Variants in ARSF observed in about 807,000 individuals in gnomAD.
ARSF encodes arylsulfatase F.
A neutral mutation model predicts 35.4 loss-of-function variants in ARSF; 33 were observed. That is an observed-to-expected ratio of 0.93 (90% confidence interval 0.71 to 1.25). The LOEUF is 1.25. Among genes scored for constraint, ARSF ranks in the 50% most tolerant of loss-of-function variants. The probability of loss-of-function intolerance (pLI) is 0.00; values close to 1 mark genes in which losing one functional copy is unlikely to be tolerated. For missense variants in ARSF, 501 were observed against 480.2 expected, an observed-to-expected ratio of 1.04 and a Z score of -0.40; for synonymous variants, 222 against 193.1, an observed-to-expected ratio of 1.15 and a Z score of -1.24.
intron 7 of ARSF, among the ~76,000 whole-genome samples, chrX:3,091,395 C>A (rs1218637809): frequency 8.9e-6 from 1 of 112,329 alleles, no homozygotes; most frequent in Admixed American, 9.5e-5. Context: ...AATGGGACGT[C>A]CTAGGACTTA....
intron 4 of ARSF, among the ~76,000 whole-genome samples, chrX:3,079,158 A>G (rs1405577305): frequency 9.0e-6 from 1 of 111,119 alleles, no homozygotes; most frequent in Non-Finnish European, 1.9e-5. Flanking sequence ...CAGTTTCTCC[A>G]TCCATTCATC....
chrX:3,056,705 G>A (rs1419929333), intron 1 of ARSF, among the ~76,000 whole-genome samples: 1 of 111,800 alleles, frequency 8.9e-6, no homozygotes, highest in Non-Finnish European at 1.9e-5. Context: ...TGGAGGCAGT[G>A]CTGACTTTAT....
intron 6 of ARSF, 136 bp from the exon 7 acceptor site, chrX:3,089,360 C>G: frequency 1.5e-6 from 1 of 681,654 alleles, no homozygotes; most frequent in Non-Finnish European, 2.2e-6. Context: ...CAGGATGGGG[C>G]CCTTGGGTGG....
In ARSF at chrX:3,103,841, A is replaced by G. The variant is rs2090395776; in HGVS notation, c.1182A>G (p.Gly394=). 8.3e-7 allele frequency: 1 copy of G among 1,210,035 alleles called. No individual in the cohort carries two copies. Among genetic ancestry groups the G allele is most frequent in the South Asian group, 1.8e-5 (1 of 56,824 alleles). ...IVRWPGKVPA[G]RLIKEPTSLM... ...GATGGCCTGGAAAGGTACCAGCTGG[A>G]CGGTTGATTAAGGAACCTACAAGTT... The change falls in exon 9 of 11, where the codon GGA becomes GGG. Residue 394 remains glycine, a synonymous_variant. Coordinates refer to ENST00000381127, the MANE Select transcript of ARSF (RefSeq NM_001201539.2).
At chrX:3,102,505 C>T (rs971481402) in intron 8 of ARSF, among the ~76,000 whole-genome samples, 1 of 112,565 alleles carries the variant, frequency 8.9e-6, no homozygotes, top group East Asian at 2.8e-4. Flanking sequence ...ATGTACACCA[C>T]GTTTTCTTTA....
At position 3,075,791 on chromosome X, in the gene ARSF, A is replaced by C. The variant is rs192194232; in HGVS notation, c.162-757A>C. Among the ~76,000 whole-genome samples the C allele has an allele frequency of 4.0e-5, 4 of 99,444 alleles. No individual in the cohort carries two copies. The East Asian group carries it at 9.8e-4, about 24-fold the overall frequency. The allele number at this position is 99,444 out of a possible 115,157, so 86.4% of individuals were successfully genotyped here. A position where few individuals can be genotyped will look rare whatever the true frequency, so the allele number is the denominator to read the frequency against. On this transcript the variant is annotated intron_variant, in intron 3 of 10. Coordinates refer to ENST00000381127, the MANE Select transcript of ARSF (RefSeq NM_001201539.2). The stretch of plus-strand genomic sequence containing the variant: ...TCTCTTTGTCTATCTCACTCTATCC[A>C]TTTCTTTCTGTGTCTTTCTCTCTTT...
intron 1 of ARSF, among the ~76,000 whole-genome samples, chrX:3,057,959 T>C: frequency 8.9e-6 from 1 of 111,852 alleles, no homozygotes; most frequent in Non-Finnish European, 1.9e-5. Context: ...AACCACTCAA[T>C]GGACAGCAGA....
At chrX:3,097,138 C>G (rs1312287260) in intron 7 of ARSF, among the ~76,000 whole-genome samples, 1 of 112,019 alleles carries the variant, frequency 8.9e-6, no homozygotes, top group Non-Finnish European at 1.9e-5. Context: ...TTTAAGCCAC[C>G]TCATTTGTAC....
At chrX:3,090,952 T>C (rs2090285109) in intron 7 of ARSF, among the ~76,000 whole-genome samples, 1 of 109,705 alleles carries the variant, frequency 9.1e-6, no homozygotes, top group Admixed American at 9.8e-5. Context: ...ACTCTGTCAC[T>C]CAGGCAGAAG....
chrX:3,090,301 AG>A (rs1285608293), intron 7 of ARSF, among the ~76,000 whole-genome samples: 1 of 112,089 alleles, frequency 8.9e-6, no homozygotes, highest in Non-Finnish European at 1.9e-5. Flanking sequence ...ATTAAGTAAT[AG>A]TAATATAGTA....
At chrX:3,042,590 A>T (rs1163410718) in intron 1 of ARSF, among the ~76,000 whole-genome samples, 1 of 110,405 alleles carries the variant, frequency 9.1e-6, no homozygotes, top group African/African-American at 3.3e-5. Flanking sequence ...TCTGCCTCCC[A>T]GGTTCAAGCG....
chrX:3,068,025 T>C (rs2090077780), intron 1 of ARSF, 48 bp from the exon 2 acceptor site: 1 of 944,320 alleles, frequency 1.1e-6, no homozygotes, highest in Non-Finnish European at 1.4e-6. Flanking sequence ...TGATACTTTT[T>C]TTTTTTTTTT....
At chrX:3,102,748 C>T (rs180893738) in intron 8 of ARSF, among the ~76,000 whole-genome samples, 232 of 110,978 alleles carry the variant, frequency 2.1e-3, no homozygotes, top group African/African-American at 7.2e-3. Flanking sequence ...TCCATCTCTA[C>T]TAAAAATACA....
At chrX:3,045,239 G>A (rs949509696) in intron 1 of ARSF, among the ~76,000 whole-genome samples, 3 of 111,657 alleles carry the variant, frequency 2.7e-5, no homozygotes, top group Non-Finnish European at 5.6e-5. Flanking sequence ...CATTTTCTGG[G>A]GTAAATACCC....
chrX:3,101,804 A>G (rs1005031793), intron 8 of ARSF, among the ~76,000 whole-genome samples: 4 of 112,521 alleles, frequency 3.6e-5, no homozygotes, highest in Non-Finnish European at 5.6e-5. Context: ...ACCTGATGTT[A>G]GAATATTATC....
At chrX:3,073,224 T>G (rs1421453497) in intron 3 of ARSF, among the ~76,000 whole-genome samples, 1 of 89,082 alleles carries the variant, frequency 1.1e-5, no homozygotes, top group Non-Finnish European at 2.2e-5. Flanking sequence ...ATTGATAATA[T>G]ATAAATATAT....
At chrX:3,104,797 T>A (rs1388500847) in intron 9 of ARSF, among the ~76,000 whole-genome samples, 1 of 111,902 alleles carries the variant, frequency 8.9e-6, no homozygotes, top group Non-Finnish European at 1.9e-5. Flanking sequence ...GAGAGAAAGA[T>A]GGAGACAGGA....
chrX:3,100,385 T>A (rs2090367630), intron 7 of ARSF, among the ~76,000 whole-genome samples: 1 of 112,288 alleles, frequency 8.9e-6, no homozygotes, highest in Non-Finnish European at 1.9e-5. Flanking sequence ...TCAGTCAGAA[T>A]ACCACTACAG....
intron 6 of ARSF, 43 bp from the exon 7 acceptor site, chrX:3,089,453 A>T: frequency 8.4e-7 from 1 of 1,193,547 alleles, no homozygotes; most frequent in Non-Finnish European, 1.1e-6. Context: ...TCACATTCAT[A>T]GATATTGAAA....
Sources: gnomAD v4.1 joint callset for allele counts (sites outside exome capture counted in the v4.1 genomes callset) on GRCh38, gnomAD v4.1.1 for gene constraint, MANE v1.5 for transcripts, NCBI Gene and HGNC (gene_info 2026-07-23, HGNC 2026-07-21) for gene names.